Variants in DACH2 observed in about 807,000 individuals in gnomAD.
DACH2 encodes dachshund family transcription factor 2, also known as dachshund homolog 2.
DACH2 carries 17 observed loss-of-function variants against 35.8 expected under a neutral mutation model. That is an observed-to-expected ratio of 0.48 (90% CI 0.33 to 0.71). DACH2 has a LOEUF of 0.71. DACH2 is among the 30% of genes least tolerant of loss of function. The probability of loss-of-function intolerance (pLI) is 0.02; values close to 1 mark genes in which losing one functional copy is unlikely to be tolerated. For synonymous variants in DACH2, 195 were observed against 177.3 expected (o/e 1.10, Z -0.79); for missense variants, 469 against 472.7 (o/e 0.99, Z 0.07).
intron 1 of DACH2, among the ~76,000 whole-genome samples, chrX:86,150,517 C>CT (rs1202329998): frequency 3.6e-5 from 4 of 111,360 alleles, no homozygotes; most frequent in Non-Finnish European, 5.7e-5. Context: ...TTTCCTTCTT[C>CT]TTTTTTTTCT....
intron 3 of DACH2, among the ~76,000 whole-genome samples, chrX:86,583,300 A>T (rs1423329400): frequency 2.7e-5 from 3 of 110,929 alleles, no homozygotes; most frequent in Non-Finnish European, 5.7e-5. Context: ...GAGAACTGGA[A>T]TAAGACAAGG....
Position 86,197,276 on chromosome X carries a change from A to C in DACH2, c.488+48168A>C, listed in dbSNP as rs1441333305. On this transcript the variant is annotated intron_variant, in intron 1 of 11. Coordinates refer to ENST00000373125, the MANE Select transcript of DACH2 (RefSeq NM_053281.3). ...CCTGAAGGAAGTACTAAATATAGAAAAGAAAGACTGTTACCAGCCCTTGGA... is the reference window on the plus strand; with the variant it reads ...CCTGAAGGAAGTACTAAATATAGAACAGAAAGACTGTTACCAGCCCTTGGA... Among the ~76,000 whole-genome samples the C allele has an allele frequency of 2.7e-5, 3 of 111,933 alleles. No homozygotes were observed. The Admixed American group carries it at 2.9e-4, about 11-fold the overall frequency.
intron 2 of DACH2, among the ~76,000 whole-genome samples, chrX:86,461,792 C>G (rs1381279492): frequency 9.0e-6 from 1 of 111,424 alleles, no homozygotes; most frequent in Non-Finnish European, 1.9e-5. Context: ...TTATCTTATT[C>G]TTTGCTTTCT....
chrX:86,584,251 A>G (rs6623721), intron 3 of DACH2, among the ~76,000 whole-genome samples: 15,921 of 109,414 alleles, frequency 0.15, 983 homozygotes, highest in East Asian at 0.3. Flanking sequence ...TTTTTATTTG[A>G]ATTTTCCAAT....
chrX:86,637,944 T>A (rs948965147), intron 3 of DACH2, among the ~76,000 whole-genome samples: 10 of 111,822 alleles, frequency 8.9e-5, no homozygotes, highest in African/African-American at 2.9e-4. Context: ...AAAAGGAGCC[T>A]GAATAGCCAA....
At chrX:86,503,336 A>G (rs2038277919) in intron 2 of DACH2, among the ~76,000 whole-genome samples, 1 of 112,142 alleles carries the variant, frequency 8.9e-6, no homozygotes, top group Non-Finnish European at 1.9e-5. Flanking sequence ...ACTAAACTGT[A>G]TGGTTAGTCA....
At chrX:86,301,218 T>C (rs940457757) in intron 1 of DACH2, among the ~76,000 whole-genome samples, 2 of 111,997 alleles carry the variant, frequency 1.8e-5, no homozygotes, top group African/African-American at 6.5e-5. Flanking sequence ...GATGGAATTA[T>C]TTGTATGAGA....
At chrX:86,669,290 G>A (rs926676004) in intron 4 of DACH2, among the ~76,000 whole-genome samples, 3 of 110,975 alleles carry the variant, frequency 2.7e-5, no homozygotes, top group African/African-American at 9.8e-5. Flanking sequence ...CACATTCTTG[G>A]TGGTGTTTCC....
chrX:86,450,048 A>G (rs2037344184), intron 2 of DACH2, among the ~76,000 whole-genome samples: 2 of 111,104 alleles, frequency 1.8e-5, no homozygotes, highest in African/African-American at 6.5e-5. Flanking sequence ...TTTAGTATCT[A>G]CCTTTTATGT....
At chrX:86,701,347 T>C (rs2092456) in intron 5 of DACH2, among the ~76,000 whole-genome samples, 13,478 of 110,934 alleles carry the variant, frequency 0.12, 679 homozygotes, top group East Asian at 0.32. Flanking sequence ...AACTAGGCAT[T>C]GAAGGAGCTA....
intron 1 of DACH2, among the ~76,000 whole-genome samples, chrX:86,184,831 C>T (rs949227596): frequency 9.0e-6 from 1 of 111,405 alleles, no homozygotes; most frequent in Non-Finnish European, 1.9e-5. Flanking sequence ...TTTTAAAACA[C>T]AACATGGAAC....
At chrX:86,562,197 A>G (rs2039231418) in intron 3 of DACH2, among the ~76,000 whole-genome samples, 2 of 110,602 alleles carry the variant, frequency 1.8e-5, no homozygotes, top group Non-Finnish European at 3.8e-5. Context: ...GTGGCCTGTC[A>G]GGATGGTTGA....
chrX:86,406,610 T>C (rs1408913764), intron 2 of DACH2, among the ~76,000 whole-genome samples: 4 of 112,382 alleles, frequency 3.6e-5, no homozygotes, highest in African/African-American at 1.3e-4. Context: ...TTAGTTTATA[T>C]TGACATGCTT....
At chrX:86,795,462 T>C (rs762227392) in intron 7 of DACH2, among the ~76,000 whole-genome samples, 1 of 110,289 alleles carries the variant, frequency 9.1e-6, no homozygotes, top group South Asian at 3.9e-4. Context: ...GTCGATCTCC[T>C]GACCTCATGA....
intron 3 of DACH2, among the ~76,000 whole-genome samples, chrX:86,643,871 TTATCTC>T (rs2040380676): frequency 9.0e-6 from 1 of 111,541 alleles, no homozygotes; most frequent in Non-Finnish European, 1.9e-5. Flanking sequence ...AACCAAATGA[TTATCTC>T]TATAGACGTA....
intron 2 of DACH2, among the ~76,000 whole-genome samples, chrX:86,462,314 A>C (rs1010019266): frequency 9.0e-6 from 1 of 111,694 alleles, no homozygotes; most frequent in Non-Finnish European, 1.9e-5. Flanking sequence ...GCTAGAGCAC[A>C]TTCCTTCCTT....
chrX:86,256,766 C>T (rs1354116716), intron 1 of DACH2, among the ~76,000 whole-genome samples: 1 of 111,520 alleles, frequency 9.0e-6, no homozygotes, highest in East Asian at 2.8e-4. Flanking sequence ...AGATGGAAAA[C>T]AGTCCTAAGA....
At chrX:86,790,598 G>A (rs745583014) in intron 7 of DACH2, among the ~76,000 whole-genome samples, 1 of 111,760 alleles carries the variant, frequency 8.9e-6, no homozygotes. Flanking sequence ...CCAGGCTGGA[G>A]TACAGTGATG....
chrX:86,694,527 A>G (rs2041044908), intron 4 of DACH2, among the ~76,000 whole-genome samples: 1 of 111,988 alleles, frequency 8.9e-6, no homozygotes, highest in Admixed American at 9.5e-5. Flanking sequence ...TTTTACACAA[A>G]ACTCTAGTGT....
Sources: gnomAD v4.1 joint callset for allele counts (sites outside exome capture counted in the v4.1 genomes callset) on GRCh38, gnomAD v4.1.1 for gene constraint, MANE v1.5 for transcripts, NCBI Gene and HGNC (gene_info 2026-07-23, HGNC 2026-07-21) for gene names.